Variants in CSMD1 observed in about 807,000 individuals in gnomAD.
CSMD1 encodes the protein CUB and Sushi multiple domains 1.
A neutral mutation model predicts 417.5 loss-of-function variants in CSMD1; 213 were observed. The observed-to-expected ratio is 0.51, with a 90% CI of 0.46 to 0.57. The LOEUF (loss-of-function observed/expected upper bound fraction) is 0.57. Ranked by LOEUF, CSMD1 falls within the 20% of genes least tolerant of loss-of-function variation. The pLI, the probability that CSMD1 is intolerant of heterozygous loss-of-function variation, is 0.00. For synonymous variants in CSMD1, 2,862 were observed against 1,736.8 expected (o/e 1.65, Z -16.11); for missense variants, 6,923 against 4,529.7 (o/e 1.53, Z -15.17).
At chr8:4,982,872 A>C (rs1810974999) in intron 1 of CSMD1, among the ~76,000 whole-genome samples, 1 of 152,188 alleles carries the variant, frequency 6.6e-6, no homozygotes, top group African/African-American at 2.4e-5. Context: ...GAATGCAGGA[A>C]AGGTAATTTT....
chr8:3,303,982 T>G (rs1584961846), intron 25 of CSMD1, among the ~76,000 whole-genome samples: 1 of 151,714 alleles, frequency 6.6e-6, no homozygotes, highest in Non-Finnish European at 1.5e-5. Context: ...TTCGATTACC[T>G]CAAACAAAGA....
rs535249189 is a variant in CSMD1 at position 3,125,703 on chromosome 8, G to A, written c.6242-7116C>T. Among the ~76,000 whole-genome samples, 102 of 152,324 alleles carry A rather than the reference G, an allele frequency of 6.7e-4. 1 individual carries two copies. Among genetic ancestry groups the A allele is most frequent in the Middle Eastern group, 6.8e-3 (2 of 294 alleles). ...TTAAAAAGTTGAATTAAGGCCAGGT[G>A]CCGTGGCTCATGCCTGTAATCCCAG... On this transcript the variant is annotated intron_variant, in intron 41 of 69. Transcript: ENST00000635120.
intron 3 of CSMD1, among the ~76,000 whole-genome samples, chr8:4,165,641 G>A (rs776471255): frequency 1.3e-5 from 2 of 152,142 alleles, no homozygotes; most frequent in African/African-American, 4.8e-5. Context: ...TGACACAAGG[G>A]ATCATTGAAC....
intron 6 of CSMD1, among the ~76,000 whole-genome samples, chr8:3,733,518 T>A (rs1796374492): frequency 6.6e-6 from 1 of 152,092 alleles, no homozygotes; most frequent in African/African-American, 2.4e-5. Flanking sequence ...TCTGAAAATA[T>A]TCAACGAAAA....
chr8:4,095,184 C>T (rs980775582), intron 3 of CSMD1, among the ~76,000 whole-genome samples: 3 of 152,130 alleles, frequency 2.0e-5, no homozygotes, highest in African/African-American at 4.8e-5. Flanking sequence ...ATAGCCACAG[C>T]GAACACAAAC....
chr8:4,254,119 G>C (rs543489898), intron 3 of CSMD1, among the ~76,000 whole-genome samples: 1 of 151,676 alleles, frequency 6.6e-6, no homozygotes, highest in African/African-American at 2.4e-5. Context: ...GGGTTTCACC[G>C]TGTTAGCCAG....
chr8:3,051,883 T>C (rs1442358428), intron 50 of CSMD1, among the ~76,000 whole-genome samples: 4 of 152,308 alleles, frequency 2.6e-5, no homozygotes, highest in African/African-American at 7.2e-5. Context: ...GACTAGAGTT[T>C]CAGAAAGTAC....
At chr8:3,314,950 T>C (rs565479512) in intron 23 of CSMD1, among the ~76,000 whole-genome samples, 6 of 152,358 alleles carry the variant, frequency 3.9e-5, no homozygotes, top group Non-Finnish European at 8.8e-5. Flanking sequence ...CTTGAGAAAG[T>C]AGTTTCATGC....
intron 1 of CSMD1, among the ~76,000 whole-genome samples, chr8:4,732,247 C>G (rs1430827778): frequency 1.3e-5 from 2 of 152,026 alleles, no homozygotes; most frequent in Non-Finnish European, 2.9e-5. Flanking sequence ...CTCTAACAAA[C>G]TGCATATGGT....
At chr8:4,432,776 G>C (rs891183982) in intron 2 of CSMD1, among the ~76,000 whole-genome samples, 1 of 152,106 alleles carries the variant, frequency 6.6e-6, no homozygotes, top group African/African-American at 2.4e-5. Context: ...AATATATGAA[G>C]CCAAGCAGTA....
intron 12 of CSMD1, among the ~76,000 whole-genome samples, chr8:3,417,005 T>C (rs1813197814): frequency 6.6e-6 from 1 of 152,224 alleles, no homozygotes; most frequent in Non-Finnish European, 1.5e-5. Context: ...TTATATAAGC[T>C]GATATCCCTG....
intron 3 of CSMD1, among the ~76,000 whole-genome samples, chr8:4,161,033 G>A (rs531505065): frequency 1.3e-5 from 2 of 151,988 alleles, no homozygotes; most frequent in South Asian, 2.1e-4. Context: ...TTAAATCACG[G>A]CACTTCTTAA....
rs374654290 is a variant in CSMD1, at chr8:2,951,205, G to A, written c.10110C>T (p.Pro3370=). 5.4e-5 allele frequency: 87 copies of A among 1,612,238 alleles called. No individual in the cohort carries two copies. Among genetic ancestry groups the A allele is most frequent in the African/African-American group, 9.4e-5 (7 of 74,846 alleles). ...TGAACCAGTCAACAGTTAGAGTGGC[G>A]GGTTGTCTTTTCCCTAAATATTCAT... ...GYYEYLGKRQ[P]ATLTVDWFNA... is the part of the protein sequence containing the mutation. The change falls in exon 66 of 70, where the codon CCC becomes CCT. Residue 3370 remains proline, a synonymous_variant. Transcript: ENST00000635120.
intron 1 of CSMD1, among the ~76,000 whole-genome samples, chr8:4,784,293 G>T (rs575082313): frequency 1.2e-4 from 19 of 152,302 alleles, no homozygotes; most frequent in African/African-American, 4.6e-4. Flanking sequence ...TATAACTAAA[G>T]ATTTGGCTCC....
intron 3 of CSMD1, among the ~76,000 whole-genome samples, chr8:4,309,122 A>C (rs1444507950): frequency 6.6e-6 from 1 of 152,188 alleles, no homozygotes; most frequent in Non-Finnish European, 1.5e-5. Context: ...AATCAATGTC[A>C]GGGTGTACTT....
chr8:3,922,481 T>G (rs1809345531), intron 5 of CSMD1, among the ~76,000 whole-genome samples: 1 of 152,134 alleles, frequency 6.6e-6, no homozygotes, highest in South Asian at 2.1e-4. Flanking sequence ...TTTTCTTTCA[T>G]AATTTGATAA....
chr8:4,850,096 T>C (rs914159596), intron 1 of CSMD1, among the ~76,000 whole-genome samples: 3 of 152,334 alleles, frequency 2.0e-5, no homozygotes, highest in African/African-American at 7.2e-5. Context: ...TAGGATCTCA[T>C]GGTGGTTTTG....
chr8:4,005,083 G>A (rs1816001756), intron 4 of CSMD1, among the ~76,000 whole-genome samples: 1 of 152,124 alleles, frequency 6.6e-6, no homozygotes, highest in African/African-American at 2.4e-5. Flanking sequence ...TGGGAGCCAA[G>A]CTATGAGGAT....
At chr8:3,438,202 C>T (rs1268840976) in intron 12 of CSMD1, among the ~76,000 whole-genome samples, 1 of 152,090 alleles carries the variant, frequency 6.6e-6, no homozygotes, top group Non-Finnish European at 1.5e-5. Flanking sequence ...ATTATAGATC[C>T]ATATGCAGTT....
Sources: gnomAD v4.1 joint callset for allele counts (sites outside exome capture counted in the v4.1 genomes callset) on GRCh38, gnomAD v4.1.1 for gene constraint, MANE v1.5 for transcripts, NCBI Gene and HGNC (gene_info 2026-07-23, HGNC 2026-07-21) for gene names.